The following SNX25 variants were observed in gnomAD, a reference collection of about 807,000 sequenced individuals.
SNX25 encodes the protein sorting nexin-25.
In SNX25, 62 loss-of-function variants were observed where a neutral mutation model predicts 113.7. The ratio of observed to expected loss-of-function variants is 0.55; its 90% CI spans 0.44 to 0.67. The LOEUF is 0.67. Ranked by LOEUF, SNX25 falls within the 30% of genes least tolerant of loss-of-function variation. The pLI is 0.00. For synonymous variants in SNX25, 421 were observed against 436.2 expected (o/e 0.97, Z 0.43); for missense variants, 1,014 against 1,161.0 (o/e 0.87, Z 1.84).
intron 10 of SNX25, among the ~76,000 whole-genome samples, chr4:185,337,787 A>C (rs139478821): frequency 3.7e-4 from 57 of 152,324 alleles, no homozygotes; most frequent in Non-Finnish European, 4.6e-4. Context: ...CATAACCATT[A>C]GGATATTTCT....
At chr4:185,327,567 T>A (rs1282122665) in intron 9 of SNX25, among the ~76,000 whole-genome samples, 1 of 152,190 alleles carries the variant, frequency 6.6e-6, no homozygotes, top group Non-Finnish European at 1.5e-5. Flanking sequence ...TTCTTTAATA[T>A]CTTTTGCATA....
At chr4:185,212,093 A>G (rs942607057) in intron 1 of SNX25, among the ~76,000 whole-genome samples, 2 of 152,178 alleles carry the variant, frequency 1.3e-5, no homozygotes, top group Admixed American at 1.3e-4. Context: ...GAAAATGAAT[A>G]TTGGTAATTA....
chr4:185,215,819 T>C (rs959250826), intron 1 of SNX25, among the ~76,000 whole-genome samples: 6 of 151,924 alleles, frequency 3.9e-5, no homozygotes, highest in African/African-American at 1.5e-4. Flanking sequence ...ATACAGGATC[T>C]GGCTCTTTCG....
At chr4:185,239,432 G>A (rs1743263109) in intron 1 of SNX25, among the ~76,000 whole-genome samples, 1 of 151,986 alleles carries the variant, frequency 6.6e-6, no homozygotes, top group African/African-American at 2.4e-5. Context: ...GCAGTGAGCT[G>A]AGATCGCACC....
At chr4:185,217,994 G>T (rs559591848) in intron 1 of SNX25, among the ~76,000 whole-genome samples, 1 of 152,268 alleles carries the variant, frequency 6.6e-6, no homozygotes, top group Non-Finnish European at 1.5e-5. Context: ...GGGATGACAG[G>T]TAGGTAGGCA....
intron 7 of SNX25, among the ~76,000 whole-genome samples, chr4:185,312,839 T>C (rs2095042140): frequency 6.6e-6 from 1 of 152,154 alleles, no homozygotes; most frequent in African/African-American, 2.4e-5. Context: ...TTTGTTCTTT[T>C]CAGACATTCA....
At chr4:185,265,868 G>A (rs759066186) in intron 4 of SNX25, among the ~76,000 whole-genome samples, 11 of 151,926 alleles carry the variant, frequency 7.2e-5, no homozygotes, top group Admixed American at 2.6e-4. Context: ...TCTTATGGGG[G>A]CCACTGTCAT....
At chr4:185,335,738 T>C (rs1053355011) in intron 10 of SNX25, among the ~76,000 whole-genome samples, 1 of 152,192 alleles carries the variant, frequency 6.6e-6, no homozygotes, top group African/African-American at 2.4e-5. Flanking sequence ...GAGTAAACCA[T>C]TAACCATGAA....
chr4:185,347,668 T>C (rs1444145372), intron 13 of SNX25, among the ~76,000 whole-genome samples: 1 of 151,998 alleles, frequency 6.6e-6, no homozygotes, highest in African/African-American at 2.4e-5. Context: ...ACGGGGTTTC[T>C]CCGTGTTGGT....
chr4:185,303,408 C>G (rs1004483807), intron 6 of SNX25, among the ~76,000 whole-genome samples: 4 of 152,076 alleles, frequency 2.6e-5, no homozygotes, highest in Non-Finnish European at 5.9e-5. Flanking sequence ...GCCTGTAATC[C>G]CAGCACTTTG....
intron 1 of SNX25, among the ~76,000 whole-genome samples, chr4:185,242,559 G>A (rs535873630): frequency 1.8e-4 from 28 of 152,356 alleles, no homozygotes; most frequent in African/African-American, 6.7e-4. Flanking sequence ...GGATGCAGAT[G>A]AAGAAATGCT....
rs149283839 is a variant in SNX25 at position 185,218,407 on chromosome 4, A to G, written c.429+8152A>G. Among the ~76,000 whole-genome samples the G allele has an allele frequency of 2.8e-3, 420 of 152,280 alleles. 2 individuals carry two copies. The highest frequency in any genetic ancestry group is 9.4e-3 in the African/African-American group (392 of 41,558). Reference sequence around the variant, plus strand: ...GCCTGCTTCTGTAGTTTTTGTAAGTATGGTGGAGCTTTCCAGAAATCCCAG... The same window carrying G: ...GCCTGCTTCTGTAGTTTTTGTAAGTGTGGTGGAGCTTTCCAGAAATCCCAG... On this transcript the variant is annotated intron_variant, in intron 1 of 18. Coordinates refer to ENST00000652585, the MANE Select transcript of SNX25 (RefSeq NM_001378034.2).
At chr4:185,272,644 G>A (rs1355433109) in intron 5 of SNX25, among the ~76,000 whole-genome samples, 1 of 152,182 alleles carries the variant, frequency 6.6e-6, no homozygotes, top group Non-Finnish European at 1.5e-5. Context: ...CTAATATTGA[G>A]ATTCTCTTGT....
chr4:185,282,485 C>T (rs1216982492), intron 5 of SNX25, among the ~76,000 whole-genome samples: 1 of 152,148 alleles, frequency 6.6e-6, no homozygotes, highest in East Asian at 1.9e-4. Flanking sequence ...CTGTAACTAT[C>T]TAAGGTGATG....
chr4:185,296,420 G>C (rs906846843), intron 6 of SNX25, among the ~76,000 whole-genome samples: 4 of 152,068 alleles, frequency 2.6e-5, no homozygotes, highest in African/African-American at 9.7e-5. Context: ...CACGTTTTAG[G>C]TTCACAGTAG....
At chr4:185,373,589 C>T (rs187013014), downstream of SNX25, among the ~76,000 whole-genome samples, 1 of 152,334 alleles carries the variant, frequency 6.6e-6, no homozygotes, top group East Asian at 1.9e-4. Flanking sequence ...TAAAAAATTC[C>T]AGATGGCTGC....
chr4:185,282,028 T>G (rs1010167659), intron 5 of SNX25, among the ~76,000 whole-genome samples: 2 of 152,016 alleles, frequency 1.3e-5, no homozygotes, highest in African/African-American at 4.8e-5. Context: ...AATAAATAAA[T>G]AAAAATAAAA....
chr4:185,368,344 G>C (rs1038997307), downstream of SNX25, among the ~76,000 whole-genome samples: 2 of 152,040 alleles, frequency 1.3e-5, no homozygotes, highest in African/African-American at 4.8e-5. Flanking sequence ...AGCAGGCCTG[G>C]GTCTGTCGCC....
intron 1 of SNX25, among the ~76,000 whole-genome samples, chr4:185,240,390 G>A (rs1261048450): frequency 3.9e-4 from 58 of 148,272 alleles, no homozygotes; most frequent in Non-Finnish European, 6.0e-4. Context: ...CTGGCCGGGC[G>A]GGGGGCTGAC....
Sources: gnomAD v4.1 joint callset for allele counts (sites outside exome capture counted in the v4.1 genomes callset) on GRCh38, gnomAD v4.1.1 for gene constraint, MANE v1.5 for transcripts, NCBI Gene and HGNC (gene_info 2026-07-23, HGNC 2026-07-21) for gene names.